CFHR5: variants seen among roughly 807,000 people sequenced by gnomAD.
The protein encoded by CFHR5 is complement factor H related 5.
In CFHR5, 73 loss-of-function variants were observed where a neutral mutation model predicts 62.9. That is an observed-to-expected ratio of 1.16 (90% CI 0.96 to 1.41). The LOEUF is 1.41. Among genes scored for constraint, CFHR5 ranks in the 40% most tolerant of loss-of-function variants. CFHR5 has a pLI of 0.00. For synonymous variants in CFHR5, 249 were observed against 227.2 expected (o/e 1.10, Z -0.86); for missense variants, 779 against 679.9 (o/e 1.15, Z -1.62).
intron 3 of CFHR5, among the ~76,000 whole-genome samples, chr1:196,989,206 G>A (rs898155586): frequency 8.6e-5 from 13 of 151,944 alleles, no homozygotes; most frequent in Admixed American, 2.0e-4. Context: ...CTGTGGGATC[G>A]GTGGTGATAT....
chr1:196,996,240 T>A, intron 6 of CFHR5, 39 bp downstream of exon 6: 2 of 1,474,714 alleles, frequency 1.4e-6, no homozygotes, highest in Non-Finnish European at 1.9e-6. Flanking sequence ...TGATTATTTA[T>A]CATTTTGATT....
At chr1:196,983,292 A>G (rs749559078) in intron 2 of CFHR5, among the ~76,000 whole-genome samples, 3 of 152,204 alleles carry the variant, frequency 2.0e-5, no homozygotes, top group Non-Finnish European at 2.9e-5. Flanking sequence ...AATGCCCTAC[A>G]TGTTGAAATA....
At chr1:196,999,683 GTATATATATATATATATATATATATATA>G (rs35191504) in intron 7 of CFHR5, among the ~76,000 whole-genome samples, 6 of 110,668 alleles carry the variant, frequency 5.4e-5, no homozygotes, top group East Asian at 4.3e-4. Context: ...TTGGGAAAAA[GTATATATATATATATATATATATATATA>G]TATATATATA....
At chr1:196,995,968 A>G (rs1211134934) in intron 5 of CFHR5, 54 bp from the exon 6 acceptor site, 5 of 1,596,508 alleles carry the variant, frequency 3.1e-6, no homozygotes, top group Non-Finnish European at 4.3e-6. Flanking sequence ...ATACACATGT[A>G]AACAGATTTA....
Position 197,009,080 on chromosome 1 carries a change from C to G in CFHR5, c.*397C>G, listed in dbSNP as rs115744316. On this transcript the variant is annotated 3_prime_UTR_variant, in exon 10 of 10. Transcript: ENST00000256785. ...GGATCACGTGGCAAAAGAGCATGTA[C>G]ATGGGAGTGAGAGAAAAAGAGAGAG... 1,823 of 159,814 alleles carry G rather than the reference C, an allele frequency of 0.011. 39 individuals carry two copies. Among genetic ancestry groups the G allele is most frequent in the African/African-American group, 0.04 (1,625 of 40,282 alleles). 9.9% of individuals were successfully genotyped at this position (159,814 alleles called of 1,614,324 possible). A position where few individuals can be genotyped will look rare whatever the true frequency, so the allele number is the denominator to read the frequency against.
chr1:197,002,027 A>C (rs953377919), intron 7 of CFHR5, among the ~76,000 whole-genome samples: 1 of 152,194 alleles, frequency 6.6e-6, no homozygotes, highest in Non-Finnish European at 1.5e-5. Flanking sequence ...AGAAAATGCA[A>C]GTCATGGAAA....
intron 7 of CFHR5, among the ~76,000 whole-genome samples, chr1:197,001,741 C>T (rs1048530068): frequency 7.5e-6 from 1 of 132,670 alleles, no homozygotes; most frequent in Non-Finnish European, 1.6e-5. Context: ...TGTGATGTTC[C>T]CCTTCCTGTG....
At chr1:196,983,123 T>G (rs1377640288) in intron 2 of CFHR5, 44 bp downstream of exon 2, 2 of 1,609,918 alleles carry the variant, frequency 1.2e-6, no homozygotes, top group African/African-American at 1.3e-5. Flanking sequence ...ATTCAGTGAA[T>G]AGAGAAGGAT....
At chr1:196,993,443 C>T (rs1653901321) in intron 3 of CFHR5, among the ~76,000 whole-genome samples, 1 of 151,970 alleles carries the variant, frequency 6.6e-6, no homozygotes, top group Admixed American at 6.6e-5. Flanking sequence ...TATAGGCGCC[C>T]ACCACCCCAT....
upstream of CFHR5, among the ~76,000 whole-genome samples, chr1:196,976,799 C>CTTTTTTTT (rs10588279): frequency 4.1e-5 from 4 of 98,142 alleles, no homozygotes; most frequent in African/African-American, 4.7e-5. Context: ...AAAAATTATT[C>CTTTTTTTT]TTTTTTTTTT....
intron 3 of CFHR5, among the ~76,000 whole-genome samples, chr1:196,986,542 C>T (rs748903596): frequency 6.6e-6 from 1 of 152,042 alleles, no homozygotes; most frequent in Non-Finnish European, 1.5e-5. Flanking sequence ...CAACAGGCCC[C>T]AGTGTGTGAT....
intron 3 of CFHR5, among the ~76,000 whole-genome samples, chr1:196,984,459 A>G (rs559903348): frequency 6.6e-6 from 1 of 152,354 alleles, no homozygotes; most frequent in South Asian, 2.1e-4. Context: ...AGTGCAAATT[A>G]GTCCAATTAC....
At chr1:196,988,426 G>C (rs576014770) in intron 3 of CFHR5, among the ~76,000 whole-genome samples, 1 of 152,268 alleles carries the variant, frequency 6.6e-6, no homozygotes, top group Non-Finnish European at 1.5e-5. Flanking sequence ...AGTGGTAAGA[G>C]AGGGCATCCC....
chr1:196,992,948 T>C (rs1285943857), intron 3 of CFHR5, among the ~76,000 whole-genome samples: 1 of 152,190 alleles, frequency 6.6e-6, no homozygotes. Flanking sequence ...TTGTGTATGC[T>C]TGATTTATTC....
chr1:196,997,831 C>G (rs560842680), intron 6 of CFHR5, among the ~76,000 whole-genome samples: 11 of 152,284 alleles, frequency 7.2e-5, no homozygotes, highest in South Asian at 4.1e-4. Context: ...GAGCCTCTAA[C>G]AATTCATTTG....
Position 196,994,067 on chromosome 1 carries a change from AT to A in CFHR5, c.431-9del, listed in dbSNP as rs1558286639. On this transcript the variant is annotated splice_polypyrimidine_tract_variant and intron_variant, in intron 3 of 9. Coordinates refer to ENST00000256785, the MANE Select transcript of CFHR5 (RefSeq NM_030787.4). ...ATGAAAATTCACATATGTTCATTTA[AT>A]TTTATTTTTAGAAGGAGAATGTCAT... is the stretch of plus-strand genomic sequence containing the variant. 1 of 1,602,992 alleles carries A rather than the reference AT, an allele frequency of 6.2e-7. No homozygotes were observed.
intron 3 of CFHR5, among the ~76,000 whole-genome samples, chr1:196,993,237 G>T (rs1281190481): frequency 6.6e-6 from 1 of 152,094 alleles, no homozygotes; most frequent in Non-Finnish European, 1.5e-5. Context: ...GGAATAATCT[G>T]CTTTTAAATA....
chr1:196,976,498 C>T (rs147328711), upstream of CFHR5, among the ~76,000 whole-genome samples: 1 of 152,148 alleles, frequency 6.6e-6, no homozygotes, highest in Non-Finnish European at 1.5e-5. Context: ...GGTTCAACTT[C>T]TGAGCCACGG....
rs1352996494 is a variant in CFHR5, at chr1:196,982,609, C to A, written c.59-276C>A. ...AATCACTTGAACCCAGTGGAGGCTGCAGTGAGCCAAGATTTGCGTGATTGT... is the reference window on the plus strand; with the variant it reads ...AATCACTTGAACCCAGTGGAGGCTGAAGTGAGCCAAGATTTGCGTGATTGT... On this transcript the variant is annotated intron_variant, in intron 1 of 9. Coordinates refer to ENST00000256785, the MANE Select transcript of CFHR5 (RefSeq NM_030787.4). 2.6e-5 allele frequency among the ~76,000 whole-genome samples: 4 copies of A among 151,794 alleles called. No individual in the cohort carries two copies. The South Asian group carries it at 6.3e-4, about 24-fold the overall frequency.
Sources: allele counts gnomAD v4.1 joint callset (sites outside exome capture counted in the v4.1 genomes callset), GRCh38; gene constraint gnomAD v4.1.1; transcripts MANE v1.5; gene names NCBI Gene and HGNC (gene_info 2026-07-23, HGNC 2026-07-21).